The following MAGI1 variants were observed in gnomAD, a reference collection of about 807,000 sequenced individuals.
The protein encoded by MAGI1 is membrane-associated guanylate kinase, WW and PDZ domain-containing protein 1.
A neutral mutation model predicts 139.9 loss-of-function variants in MAGI1; 58 were observed. The ratio of observed to expected loss-of-function variants is 0.41; its 90% CI spans 0.34 to 0.52. The LOEUF is 0.52. Among genes scored for constraint, MAGI1 ranks in the 20% least tolerant of loss-of-function variants. The probability of loss-of-function intolerance (pLI) is 0.12; values close to 1 mark genes in which losing one functional copy is unlikely to be tolerated. For synonymous variants in MAGI1, 812 were observed against 737.9 expected (o/e 1.10, Z -1.63); for missense variants, 1,874 against 1,901.6 (o/e 0.99, Z 0.27).
At chr3:65,408,128 A>G (rs1407869323) in intron 12 of MAGI1, among the ~76,000 whole-genome samples, 2 of 152,224 alleles carry the variant, frequency 1.3e-5, no homozygotes, top group Admixed American at 6.5e-5. Context: ...ATTGGGGCCT[A>G]TAGTCCTTAA....
intron 2 of MAGI1, among the ~76,000 whole-genome samples, chr3:65,537,121 C>A (rs2078997383): frequency 6.6e-6 from 1 of 152,156 alleles, no homozygotes; most frequent in African/African-American, 2.4e-5. Context: ...CGCTGTCTAA[C>A]CTCCTCTGCC....
intron 13 of MAGI1, among the ~76,000 whole-genome samples, chr3:65,401,020 A>G (rs1944845038): frequency 6.6e-6 from 1 of 152,042 alleles, no homozygotes. Flanking sequence ...ATGGGTAGAC[A>G]TGTGAACGGC....
At chr3:65,796,779 C>T (rs534466216) in intron 1 of MAGI1, among the ~76,000 whole-genome samples, 1 of 152,330 alleles carries the variant, frequency 6.6e-6, no homozygotes, top group East Asian at 1.9e-4. Flanking sequence ...ATGCTCTCTA[C>T]CCTAACCTCT....
intron 1 of MAGI1, among the ~76,000 whole-genome samples, chr3:65,955,500 C>G (rs144993245): frequency 6.6e-6 from 1 of 152,066 alleles, no homozygotes. Flanking sequence ...GGAGAAGGCT[C>G]GGAGGGAACC....
intron 2 of MAGI1, among the ~76,000 whole-genome samples, chr3:65,608,809 A>G (rs2082884747): frequency 6.6e-6 from 1 of 152,242 alleles, no homozygotes; most frequent in African/African-American, 2.4e-5. Flanking sequence ...TCCATTGTAT[A>G]AGAATGCTCA....
At chr3:65,440,842 TATAC>T (rs1948251353) in intron 8 of MAGI1, among the ~76,000 whole-genome samples, 1 of 32,478 alleles carries the variant, frequency 3.1e-5, no homozygotes, top group African/African-American at 6.0e-5. Context: ...CATATACATA[TATAC>T]ATATGTATAC....
chr3:65,886,083 T>C (rs1226233955), intron 1 of MAGI1, among the ~76,000 whole-genome samples: 3 of 152,214 alleles, frequency 2.0e-5, no homozygotes, highest in Non-Finnish European at 4.4e-5. Context: ...AAGAATAATG[T>C]GCTATATACT....
intron 1 of MAGI1, among the ~76,000 whole-genome samples, chr3:65,812,468 T>TCACACACACACACACACACA (rs1553711393): frequency 2.2e-4 from 20 of 89,126 alleles, no homozygotes; most frequent in East Asian, 1.1e-3. Context: ...TCTCTCTCTC[T>TCACACACACACACACACACA]CACACACACA....
intron 1 of MAGI1, among the ~76,000 whole-genome samples, chr3:65,843,393 A>T (rs1000199860): frequency 6.6e-6 from 1 of 152,174 alleles, no homozygotes; most frequent in African/African-American, 2.4e-5. Flanking sequence ...GTATCTTCAT[A>T]AGAAACCTGA....
At chr3:65,941,831 G>A (rs2063329719) in intron 1 of MAGI1, among the ~76,000 whole-genome samples, 1 of 152,164 alleles carries the variant, frequency 6.6e-6, no homozygotes, top group South Asian at 2.1e-4. Flanking sequence ...TCACTCTGCT[G>A]ACCAGGCTGG....
In MAGI1 at chr3:65,460,099, C is replaced by A. The variant is rs73133321; in HGVS notation, c.960-6759G>T. Reference sequence around the variant, plus strand: ...AAATTTCCCTTAATTCCTATTTTCCCATGTGAAGACTGCTGAATTTTGTCA... The same window carrying A: ...AAATTTCCCTTAATTCCTATTTTCCAATGTGAAGACTGCTGAATTTTGTCA... On this transcript the variant is annotated intron_variant, in intron 5 of 22. Transcript: ENST00000402939. Among the ~76,000 whole-genome samples, 1,431 of 152,226 alleles carry A rather than the reference C, an allele frequency of 9.4e-3. 11 individuals carry two copies. The highest frequency in any genetic ancestry group is 0.013 in the Non-Finnish European group (910 of 68,008).
chr3:65,932,214 A>G (rs923656890), intron 1 of MAGI1, among the ~76,000 whole-genome samples: 10 of 152,152 alleles, frequency 6.6e-5, no homozygotes, highest in African/African-American at 2.4e-4. Flanking sequence ...TTCTCTCCCA[A>G]CCAACATAAA....
At chr3:65,500,074 C>T (rs918719373) in intron 2 of MAGI1, among the ~76,000 whole-genome samples, 6 of 152,202 alleles carry the variant, frequency 3.9e-5, no homozygotes, top group African/African-American at 1.2e-4. Flanking sequence ...CTGAATCACA[C>T]AAACAATGTT....
chr3:65,597,256 C>T (rs1053476416), intron 2 of MAGI1, among the ~76,000 whole-genome samples: 3 of 149,922 alleles, frequency 2.0e-5, no homozygotes, highest in Non-Finnish European at 3.0e-5. Flanking sequence ...TCGCCGGCCC[C>T]CTCCCCCTCC....
At position 65,439,982 on chromosome 3, in the gene MAGI1, G is replaced by T. The variant is rs753972519; in HGVS notation, c.1167C>A (p.Asn389Lys). 1 of 1,613,824 alleles carries T rather than the reference G, an allele frequency of 6.2e-7. No homozygotes were observed. The highest frequency in any genetic ancestry group is 8.5e-7 in the Non-Finnish European group (1 of 1,179,998). ...DHINRKTQYE[N>K]PVLEAKRKKQ... ...TCTTCCGTTTGGCTTCTAGAACCGG[G>T]TTCTCATATTGTGTCTTCCTGTTGA... is the stretch of plus-strand genomic sequence containing the variant. Residue 389 changes from asparagine to lysine, a missense_variant, in exon 9 of 23, where the codon AAC becomes AAA. This residue lies in a region of MAGI1 where 648 missense variants were observed against 598.1 expected (regional missense o/e 1.08). Coordinates refer to ENST00000402939, the MANE Select transcript of MAGI1 (RefSeq NM_001033057.2).
intron 1 of MAGI1, among the ~76,000 whole-genome samples, chr3:65,724,985 C>T (rs774919853): frequency 2.0e-5 from 3 of 152,096 alleles, no homozygotes; most frequent in Non-Finnish European, 4.4e-5. Context: ...AAAGCCTAAC[C>T]ATATCAATCA....
intron 1 of MAGI1, among the ~76,000 whole-genome samples, chr3:65,812,699 CTTTTTTTTTTTTTTTTTTT>C (rs539502538): frequency 1.4e-5 from 1 of 72,890 alleles, no homozygotes; most frequent in Non-Finnish European, 2.4e-5. Context: ...AGTTAGTTTA[CTTTTTTTTTTTTTTTTTTT>C]TTTTTTTTTG....
intron 1 of MAGI1, among the ~76,000 whole-genome samples, chr3:65,733,752 A>G (rs1225650625): frequency 6.6e-6 from 1 of 152,244 alleles, no homozygotes; most frequent in Non-Finnish European, 1.5e-5. Context: ...TAAATAAATC[A>G]CTGCAACCAT....
chr3:65,892,977 A>C (rs969213361), intron 1 of MAGI1, among the ~76,000 whole-genome samples: 1 of 152,206 alleles, frequency 6.6e-6, no homozygotes, highest in Non-Finnish European at 1.5e-5. Flanking sequence ...GTAAAACTGC[A>C]ATCATTGTTC....
Sources: allele counts gnomAD v4.1 joint callset (sites outside exome capture counted in the v4.1 genomes callset), GRCh38; gene constraint gnomAD v4.1.1; regional missense constraint gnomAD v4.1.1; transcripts MANE v1.5; gene names NCBI Gene and HGNC (gene_info 2026-07-23, HGNC 2026-07-21).